LARP1B: variants seen among roughly 807,000 people sequenced by gnomAD.
LARP1B encodes la-related protein 1B.
A neutral mutation model predicts 114.2 loss-of-function variants in LARP1B; 76 were observed. The ratio of observed to expected loss-of-function variants is 0.67; its 90% CI spans 0.55 to 0.81. The LOEUF is 0.81. Among genes scored for constraint, LARP1B ranks in the 30% least tolerant of loss-of-function variants. LARP1B has a pLI of 0.00. For missense variants in LARP1B, 1,014 were observed against 1,075.8 expected (o/e 0.94, Z 0.80); for synonymous variants, 345 against 348.0 (o/e 0.99, Z 0.10).
chr4:128,090,947 A>G (rs1775696510), intron 5 of LARP1B, 54 bp from the exon 6 acceptor site: 2 of 1,339,104 alleles, frequency 1.5e-6, no homozygotes, highest in South Asian at 2.7e-5. Flanking sequence ...AAAGACAATC[A>G]TGTTATTTTA....
At chr4:128,177,298 C>A (rs75056130) in intron 13 of LARP1B, among the ~76,000 whole-genome samples, 3,570 of 152,148 alleles carry the variant, frequency 0.023, 61 homozygotes, top group Non-Finnish European at 0.036. Flanking sequence ...CAAATTCGTG[C>A]CTAGAATAGT....
intron 7 of LARP1B, among the ~76,000 whole-genome samples, chr4:128,096,659 G>A (rs1322533790): frequency 6.6e-6 from 1 of 151,398 alleles, no homozygotes; most frequent in Non-Finnish European, 1.5e-5. Flanking sequence ...GGAGTGCAGT[G>A]GTGTAATCTT....
chr4:128,091,981 AT>A (rs1323163069), intron 7 of LARP1B, among the ~76,000 whole-genome samples: 1 of 152,166 alleles, frequency 6.6e-6, no homozygotes, highest in Admixed American at 6.6e-5. Flanking sequence ...AGGGAATGTG[AT>A]TAAAGTAGGT....
intron 11 of LARP1B, among the ~76,000 whole-genome samples, chr4:128,132,102 T>G (rs956672852): frequency 6.6e-6 from 1 of 152,218 alleles, no homozygotes; most frequent in Non-Finnish European, 1.5e-5. Flanking sequence ...AGATGTCATG[T>G]TCTTGTACAT....
rs1285946982 is a variant in LARP1B, at chr4:128,179,444, C to T, written c.1935C>T (p.Pro645=). ...GAAAAACAAGGCATAGCACAAATCCCCCTCTAGAGTGTCATGTTGGTTGGG... is the reference window on the plus strand; with the variant it reads ...GAAAAACAAGGCATAGCACAAATCCTCCTCTAGAGTGTCATGTTGGTTGGG... The part of the protein sequence containing the change: ...RKRKTRHSTN[P]PLECHVGWVM... Residue 645 remains proline (P), a synonymous_variant, in exon 15 of 20, where the codon CCC becomes CCT. Transcript: ENST00000326639. The T allele has an allele frequency of 1.9e-6, 3 of 1,610,584 alleles. No homozygotes were observed. The highest frequency in any genetic ancestry group is 2.2e-5 in the South Asian group (2 of 90,258).
At chr4:128,182,110 C>CTT (rs1332349617) in intron 15 of LARP1B, among the ~76,000 whole-genome samples, 2 of 113,926 alleles carry the variant, frequency 1.8e-5, no homozygotes, top group Non-Finnish European at 3.9e-5. Context: ...CTGCACCCGG[C>CTT]CTTTTTTTTT....
intron 11 of LARP1B, among the ~76,000 whole-genome samples, chr4:128,150,118 T>C (rs2150310922): frequency 6.6e-6 from 1 of 152,140 alleles, no homozygotes; most frequent in African/African-American, 2.4e-5. Flanking sequence ...GCCACTGCAC[T>C]CCAGCCTGGG....
At chr4:128,136,255 C>T (rs992092023) in intron 11 of LARP1B, among the ~76,000 whole-genome samples, 1 of 150,900 alleles carries the variant, frequency 6.6e-6, no homozygotes, top group East Asian at 1.9e-4. Context: ...ATTGCGCCAT[C>T]GTACTTCAGT....
At chr4:128,157,055 A>G (rs1040671708) in intron 11 of LARP1B, among the ~76,000 whole-genome samples, 1 of 152,066 alleles carries the variant, frequency 6.6e-6, no homozygotes. Context: ...TAGAAAAAAA[A>G]CAAAAGAAAC....
At chr4:128,115,847 C>T (rs765432028) in intron 10 of LARP1B, among the ~76,000 whole-genome samples, 6 of 152,080 alleles carry the variant, frequency 3.9e-5, no homozygotes, top group Admixed American at 1.3e-4. Context: ...CTGGTAGAGA[C>T]GGGATTACAC....
Position 128,107,128 on chromosome 4 carries a change from T to C in LARP1B, c.814-11T>C. 6.2e-7 allele frequency: 1 copy of C among 1,607,434 alleles called. No homozygotes were observed. On this transcript the variant is annotated splice_polypyrimidine_tract_variant and intron_variant, in intron 8 of 19. Coordinates refer to ENST00000326639, the MANE Select transcript of LARP1B (RefSeq NM_018078.4). ...AGCTCATAATTTTAATAGCTCAATTTCTGTTAATAGGCACTGAAGGATAGC... is the reference window on the plus strand; with the variant it reads ...AGCTCATAATTTTAATAGCTCAATTCCTGTTAATAGGCACTGAAGGATAGC...
At chr4:128,133,069 C>CAGTA (rs1313075699) in intron 11 of LARP1B, among the ~76,000 whole-genome samples, 1 of 152,046 alleles carries the variant, frequency 6.6e-6, no homozygotes, top group African/African-American at 2.4e-5. Context: ...GGAGCTCAGG[C>CAGTA]AGTAATGAGA....
At chr4:128,197,336 A>G (rs1754508301) in intron 15 of LARP1B, among the ~76,000 whole-genome samples, 2 of 152,176 alleles carry the variant, frequency 1.3e-5, no homozygotes, top group African/African-American at 4.8e-5. Context: ...CAAAATTTTC[A>G]TTTTTGCTTG....
Position 128,129,164 on chromosome 4 carries a change from C to CAAAAAAAAAAAAAA in LARP1B, c.1524+7003_1524+7016dup, listed in dbSNP as rs559312234. On this transcript the variant is annotated intron_variant, in intron 11 of 19. Coordinates refer to ENST00000326639, the MANE Select transcript of LARP1B (RefSeq NM_018078.4). ...TGGGCGACAGAGCGAGACTCTGTCTCAAAAAAAAAAAAAAAAAAAAAAAAA... is the reference window on the plus strand; with the variant it reads ...TGGGCGACAGAGCGAGACTCTGTCTCAAAAAAAAAAAAAAAAAAAAAAAAAAAAAAAAAAAAAAA... 1.4e-4 allele frequency among the ~76,000 whole-genome samples: 7 copies of CAAAAAAAAAAAAAA among 49,142 alleles called. 1 individual carries two copies. Among genetic ancestry groups the CAAAAAAAAAAAAAA allele is most frequent in the African/African-American group, 3.9e-4 (4 of 10,316 alleles). The allele number at this position is 49,142 out of a possible 152,430, so 32.2% of individuals were successfully genotyped here.
chr4:128,112,602 T>C (rs926404219), intron 9 of LARP1B, among the ~76,000 whole-genome samples: 7 of 149,858 alleles, frequency 4.7e-5, no homozygotes, highest in African/African-American at 1.7e-4. Flanking sequence ...GCCTCCCAAG[T>C]AGTTGGGATT....
At position 128,116,500 on chromosome 4, in the gene LARP1B, G is replaced by A. The variant is rs148508147; in HGVS notation, c.1161+1758G>A. On this transcript the variant is annotated intron_variant, in intron 10 of 19. Transcript: ENST00000326639. ...AGTAAGCTCTCTAAAGGGGATGGAA[G>A]GTATTGAGAGGATTGTGATGTGGAG... Among the ~76,000 whole-genome samples the A allele has an allele frequency of 2.5e-3, 378 of 152,260 alleles. 4 individuals are homozygous for A. The East Asian group carries it at 0.028, about 11-fold the overall frequency.
At chr4:128,110,958 C>T (rs566634918) in intron 9 of LARP1B, among the ~76,000 whole-genome samples, 148 of 151,966 alleles carry the variant, frequency 9.7e-4, no homozygotes, top group African/African-American at 3.5e-3. Flanking sequence ...ACACCTGTAG[C>T]CCAGCTACTT....
At chr4:128,093,805 G>A (rs1404209117) in intron 7 of LARP1B, among the ~76,000 whole-genome samples, 2 of 149,762 alleles carry the variant, frequency 1.3e-5, no homozygotes, top group African/African-American at 4.9e-5. Context: ...CCGCCTCCCA[G>A]GTTCAAGCAA....
At chr4:128,206,584 C>T in intron 18 of LARP1B, 47 bp downstream of exon 18, 1 of 1,560,880 alleles carries the variant, frequency 6.4e-7, no homozygotes, top group South Asian at 1.2e-5. Flanking sequence ...AAATTGTAAA[C>T]CTGAGTCTGT....
Sources: gnomAD v4.1 joint callset for allele counts (sites outside exome capture counted in the v4.1 genomes callset) on GRCh38, gnomAD v4.1.1 for gene constraint, MANE v1.5 for transcripts, NCBI Gene and HGNC (gene_info 2026-07-23, HGNC 2026-07-21) for gene names.